The following RIMS3 variants were observed in gnomAD, a reference collection of about 807,000 sequenced individuals.
RIMS3 encodes the protein regulating synaptic membrane exocytosis protein 3.
RIMS3 carries 15 observed loss-of-function variants against 29.2 expected under a neutral mutation model. The observed-to-expected ratio is 0.51, with a 90% CI of 0.34 to 0.79. The LOEUF (loss-of-function observed/expected upper bound fraction) is 0.79, where lower values mean the gene tolerates loss of function less well. RIMS3 is among the 30% of genes least tolerant of loss of function. The pLI, the probability that RIMS3 is intolerant of heterozygous loss-of-function variation, is 0.01. For synonymous variants in RIMS3, 161 were observed against 170.1 expected, an observed-to-expected ratio of 0.95 and a Z score of 0.41; for missense variants, 342 against 421.4, an observed-to-expected ratio of 0.81 and a Z score of 1.65.
chr1:40,646,337 G>A (rs1162285030), intron 2 of RIMS3, among the ~76,000 whole-genome samples: 1 of 152,164 alleles, frequency 6.6e-6, no homozygotes, highest in African/African-American at 2.4e-5. Context: ...CCACAGGGAT[G>A]GAAAAGGGAA....
At position 40,641,778 on chromosome 1, in the gene RIMS3, C is replaced by A. The variant is rs1557673675; in HGVS notation, c.148G>T (p.Gly50Cys). 3.1e-6 allele frequency: 5 copies of A among 1,613,576 alleles called. No homozygotes were observed. The highest frequency in any genetic ancestry group is 4.2e-6 in the Non-Finnish European group (5 of 1,179,566). Residue 50 changes from glycine (G) to cysteine (C), a missense_variant, in exon 3 of 8, where the codon GGT (glycine) becomes TGT (cysteine). Coordinates refer to ENST00000372684, the MANE Select transcript of RIMS3 (RefSeq NM_014747.3). ...CCCACGATGGCCACCATCTTGGCAC[C>A]CAGGCTGCTCCGCCGCTTCTTGGCG... ...TTAKKRRSSL[G>C]AKMVAIVGLT...
At chr1:40,677,685 G>A in the RIMS3 span, among the ~76,000 whole-genome samples, 2 of 151,756 alleles carry the variant, frequency 1.3e-5, no homozygotes, top group African/African-American at 2.4e-5. Context: ...GTGACAGAGC[G>A]AGATTACATC....
chr1:40,646,882 CTTTT>C (rs200219484), intron 2 of RIMS3, among the ~76,000 whole-genome samples: 50 of 144,442 alleles, frequency 3.5e-4, no homozygotes, highest in Non-Finnish European at 4.2e-4. Context: ...AACCAGATAA[CTTTT>C]TTTTTTTTTT....
chr1:40,686,306 C>A, the RIMS3 span, among the ~76,000 whole-genome samples: 8 of 152,274 alleles, frequency 5.3e-5, no homozygotes, highest in African/African-American at 1.9e-4. Flanking sequence ...TACCCTGACT[C>A]TTCATCTGAA....
intron 5 of RIMS3, among the ~76,000 whole-genome samples, chr1:40,630,661 G>A (rs766599048): frequency 1.4e-4 from 22 of 152,160 alleles, no homozygotes; most frequent in Non-Finnish European, 2.5e-4. Context: ...CATCACTACC[G>A]AGGTGAGCAA....
the RIMS3 span, among the ~76,000 whole-genome samples, chr1:40,677,697 C>CA: frequency 2.0e-5 from 3 of 151,038 alleles, no homozygotes; most frequent in Admixed American, 6.6e-5. Flanking sequence ...GATTACATCT[C>CA]AAAAAATAAT....
chr1:40,682,727 G>C, the RIMS3 span, among the ~76,000 whole-genome samples: 1 of 105,794 alleles, frequency 9.5e-6, no homozygotes, highest in Admixed American at 9.3e-5. Context: ...CTGATTCTTT[G>C]ACCCTTTGCA....
intron 3 of RIMS3, among the ~76,000 whole-genome samples, chr1:40,640,094 A>G (rs574839682): frequency 1.2e-4 from 18 of 152,278 alleles, no homozygotes; most frequent in Middle Eastern, 6.8e-3. Flanking sequence ...GGCATGAAGA[A>G]GCCTTTGGGT....
chr1:40,661,475 T>A (rs2148362549), intron 1 of RIMS3, among the ~76,000 whole-genome samples: 1 of 152,254 alleles, frequency 6.6e-6, no homozygotes, highest in South Asian at 2.1e-4. Flanking sequence ...TCAAAGTTAC[T>A]AAAAATTTTA....
chr1:40,681,006 C>T, the RIMS3 span, among the ~76,000 whole-genome samples: 1 of 152,176 alleles, frequency 6.6e-6, no homozygotes, highest in Non-Finnish European at 1.5e-5. Flanking sequence ...CAGAGGCCAA[C>T]CTCTCCCCTG....
At chr1:40,670,804 G>C in the RIMS3 span, among the ~76,000 whole-genome samples, 1 of 151,308 alleles carries the variant, frequency 6.6e-6, no homozygotes, top group Non-Finnish European at 1.5e-5. Context: ...GGCCAGGCTA[G>C]TCTTGAATCC....
At chr1:40,656,634 T>C (rs1048264804) in intron 1 of RIMS3, among the ~76,000 whole-genome samples, 15 of 151,802 alleles carry the variant, frequency 9.9e-5, no homozygotes, top group African/African-American at 3.6e-4. Context: ...ATATACAAAA[T>C]TAGCCGGGCG....
At chr1:40,691,660 G>A in the RIMS3 span, 1 of 445,238 alleles carries the variant, frequency 2.2e-6, no homozygotes, top group African/African-American at 2.0e-5. Flanking sequence ...ACGATACTGG[G>A]AGTCCAGGCG....
the RIMS3 span, among the ~76,000 whole-genome samples, chr1:40,670,993 T>C: frequency 1.3e-5 from 2 of 152,044 alleles, no homozygotes; most frequent in African/African-American, 2.4e-5. Context: ...ATGAGGAGCA[T>C]GGATTAGTAC....
upstream of RIMS3, chr1:40,665,729 G>T: frequency 6.5e-6 from 1 of 153,038 alleles, no homozygotes; most frequent in South Asian, 1.8e-4. Flanking sequence ...GGCCTGCCGG[G>T]GGCGGGGCCG....
chr1:40,641,229 T>C (rs1646553970), intron 3 of RIMS3, among the ~76,000 whole-genome samples: 1 of 152,188 alleles, frequency 6.6e-6, no homozygotes, highest in Non-Finnish European at 1.5e-5. Flanking sequence ...CGCTTCTCCC[T>C]CCCAAAGTGC....
In RIMS3 at chr1:40,636,344, G is replaced by A. The variant is rs1006222888; in HGVS notation, c.218-287C>T. Among the ~76,000 whole-genome samples, 4 of 152,158 alleles carry A rather than the reference G, an allele frequency of 2.6e-5. 1 individual carries two copies. The highest frequency in any genetic ancestry group is 9.7e-5 in the African/African-American group (4 of 41,426). On this transcript the variant is annotated intron_variant, in intron 3 of 7. Coordinates refer to ENST00000372684, the MANE Select transcript of RIMS3 (RefSeq NM_014747.3). The surrounding 1 kb of genome is among the most constrained non-coding windows in gnomAD (Gnocchi z 4.2). ...CGCAGAGCCGCAGATCCGCAGCTGG[G>A]GCCCTCGCCTCACCCTCATCAGGCT... is the stretch of plus-strand genomic sequence containing the variant.
At chr1:40,657,676 G>C (rs1301962901) in intron 1 of RIMS3, among the ~76,000 whole-genome samples, 1 of 149,404 alleles carries the variant, frequency 6.7e-6, no homozygotes, top group Non-Finnish European at 1.5e-5. Context: ...GAGCCCAGGA[G>C]TTCAAAGCTG....
At position 40,637,136 on chromosome 1, in the gene RIMS3, C is replaced by T. The variant is rs115206005; in HGVS notation, c.218-1079G>A. Among the ~76,000 whole-genome samples the T allele has an allele frequency of 6.6e-3, 1,002 of 152,280 alleles. 13 individuals carry two copies. Among genetic ancestry groups the T allele is most frequent in the African/African-American group, 0.023 (961 of 41,540 alleles). On this transcript the variant is annotated intron_variant, in intron 3 of 7. Transcript: ENST00000372684. ...CTACAGGGAGGGGGAGAGGCCAGGGCAGGACAGGCAGCACAGCCCCTGAAA... is the reference window on the plus strand; with the variant it reads ...CTACAGGGAGGGGGAGAGGCCAGGGTAGGACAGGCAGCACAGCCCCTGAAA...
Sources: allele counts gnomAD v4.1 joint callset (sites outside exome capture counted in the v4.1 genomes callset), GRCh38; gene constraint gnomAD v4.1.1; non-coding constraint Gnocchi (gnomAD v3.1); transcripts MANE v1.5; gene names NCBI Gene and HGNC (gene_info 2026-07-23, HGNC 2026-07-21).